Variants in CADM1 observed in about 807,000 individuals in gnomAD.
CADM1 encodes the protein TSLC-1.
Under a neutral mutation model 53.1 loss-of-function variants are expected in CADM1, and 15 were observed. The ratio of observed to expected loss-of-function variants is 0.28; its 90% CI spans 0.19 to 0.44. The LOEUF (loss-of-function observed/expected upper bound fraction) is 0.44, where lower values mean the gene tolerates loss of function less well. Ranked by LOEUF, CADM1 falls within the 20% of genes least tolerant of loss-of-function variation. The pLI is 1.00. For missense variants in CADM1, 434 were observed against 611.3 expected (o/e 0.71, Z 3.06); for synonymous variants, 281 against 243.0 (o/e 1.16, Z -1.45).
chr11:115,413,670 A>T (rs907473959), intron 1 of CADM1, among the ~76,000 whole-genome samples: 1 of 73,070 alleles, frequency 1.4e-5, no homozygotes. Flanking sequence ...TCTGAGACAG[A>T]GTCTTGCTCT....
At chr11:115,346,169 A>C (rs545136195) in intron 1 of CADM1, among the ~76,000 whole-genome samples, 1 of 152,254 alleles carries the variant, frequency 6.6e-6, no homozygotes, top group East Asian at 1.9e-4. Flanking sequence ...AAATATCCAC[A>C]TGTGGTTCAG....
intron 1 of CADM1, among the ~76,000 whole-genome samples, chr11:115,273,644 A>G (rs1230702167): frequency 6.6e-6 from 1 of 152,250 alleles, no homozygotes; most frequent in African/African-American, 2.4e-5. Flanking sequence ...TGTTTAAAAA[A>G]AAAAATTTAG....
At chr11:115,330,960 C>T (rs929097612) in intron 1 of CADM1, among the ~76,000 whole-genome samples, 3 of 152,050 alleles carry the variant, frequency 2.0e-5, no homozygotes, top group Non-Finnish European at 4.4e-5. Flanking sequence ...GTACAGGGTA[C>T]ATGTTGAGCA....
chr11:115,471,123 T>C (rs547278185), intron 1 of CADM1, among the ~76,000 whole-genome samples: 1 of 152,314 alleles, frequency 6.6e-6, no homozygotes, highest in South Asian at 2.1e-4. Context: ...TCCTTTCTAC[T>C]CAGGGACATA....
chr11:115,393,033 A>T (rs892104144), intron 1 of CADM1, among the ~76,000 whole-genome samples: 5 of 143,416 alleles, frequency 3.5e-5, no homozygotes, highest in Admixed American at 7.2e-5. Context: ...ACTGCAAACC[A>T]GCCTGGGCAA....
At chr11:115,247,195 T>C (rs1942435717) in intron 1 of CADM1, among the ~76,000 whole-genome samples, 1 of 152,216 alleles carries the variant, frequency 6.6e-6, no homozygotes, top group Admixed American at 6.5e-5. Flanking sequence ...AATGGCTCCT[T>C]TGGAGTCATT....
At chr11:115,414,908 A>C (rs1947555542) in intron 1 of CADM1, among the ~76,000 whole-genome samples, 1 of 152,196 alleles carries the variant, frequency 6.6e-6, no homozygotes, top group African/African-American at 2.4e-5. Flanking sequence ...TTTACTGTGA[A>C]ATTCCGGTGC....
At chr11:115,218,193 TAGATAAGAGATTCATA>T in intron 5 of CADM1, 1 of 571,834 alleles carries the variant, frequency 1.7e-6, no homozygotes, top group South Asian at 1.9e-5. Context: ...GAACCGCAAA[TAGATAAGAGATTCATA>T]AGCCAACTGC....
In CADM1 at chr11:115,219,748, A is replaced by G. The variant is rs571577116; in HGVS notation, c.722-1757T>C. On this transcript the variant is annotated intron_variant, in intron 5 of 11. Coordinates refer to ENST00000331581, the MANE Select transcript of CADM1 (RefSeq NM_001301043.2). Reference sequence around the variant, plus strand: ...ACCCCCTTTCAGAGACAGAGGCCACATATTAGGCTAACTACAACTGCTGGG... The same window carrying G: ...ACCCCCTTTCAGAGACAGAGGCCACGTATTAGGCTAACTACAACTGCTGGG... 2.0e-5 allele frequency among the ~76,000 whole-genome samples: 3 copies of G among 152,256 alleles called. No homozygotes were observed. In the South Asian group the frequency reaches 6.2e-4, roughly 32 times the overall value.
chr11:115,384,829 C>T (rs1231500737), intron 1 of CADM1, among the ~76,000 whole-genome samples: 1 of 152,108 alleles, frequency 6.6e-6, no homozygotes, highest in African/African-American at 2.4e-5. Flanking sequence ...CAATATAAAT[C>T]CACAACTGGC....
intron 1 of CADM1, among the ~76,000 whole-genome samples, chr11:115,338,877 ATTTTTTTTTT>A (rs56300408): frequency 7.8e-6 from 1 of 127,744 alleles, no homozygotes; most frequent in Non-Finnish European, 1.6e-5. Context: ...TATTTTTTTT[ATTTTTTTTTT>A]TTTAATTTTT....
At chr11:115,420,216 T>C (rs1048154901) in intron 1 of CADM1, among the ~76,000 whole-genome samples, 1 of 152,142 alleles carries the variant, frequency 6.6e-6, no homozygotes, top group Non-Finnish European at 1.5e-5. Context: ...ACAATGTGTA[T>C]AGTGTAACAA....
chr11:115,338,882 T>A (rs71466760), intron 1 of CADM1, among the ~76,000 whole-genome samples: 47,193 of 145,432 alleles, frequency 0.32, 8,721 homozygotes, highest in Non-Finnish European at 0.43. Flanking sequence ...TTTTTATTTT[T>A]TTTTTTTTAA....
At chr11:115,306,584 T>C (rs1017652866) in intron 1 of CADM1, among the ~76,000 whole-genome samples, 5 of 152,020 alleles carry the variant, frequency 3.3e-5, no homozygotes, top group Non-Finnish European at 5.9e-5. Flanking sequence ...ATTTATCTAG[T>C]ACTGAACGTG....
chr11:115,502,944 C>A (rs1275151576), intron 1 of CADM1, among the ~76,000 whole-genome samples: 1 of 152,194 alleles, frequency 6.6e-6, no homozygotes, highest in Non-Finnish European at 1.5e-5. Context: ...GAGCTCTCGG[C>A]GTCCTCCGCC....
At chr11:115,428,782 T>C (rs200852777) in intron 1 of CADM1, among the ~76,000 whole-genome samples, 6 of 2,666 alleles carry the variant, frequency 2.3e-3, no homozygotes, top group Non-Finnish European at 0.011. Context: ...TGTGTGTGCG[T>C]GTGTGTGTGT....
chr11:115,188,949 C>A (rs552815999), intron 10 of CADM1, among the ~76,000 whole-genome samples: 1 of 151,930 alleles, frequency 6.6e-6, no homozygotes, highest in Non-Finnish European at 1.5e-5. Context: ...TGAAGCCAAG[C>A]TCACAATCAA....
At chr11:115,358,070 C>T (rs992441854) in intron 1 of CADM1, among the ~76,000 whole-genome samples, 1 of 152,112 alleles carries the variant, frequency 6.6e-6, no homozygotes, top group African/African-American at 2.4e-5. Flanking sequence ...TCTGGCACAG[C>T]TGTACGCAGC....
chr11:115,197,757 G>T (rs565014362), intron 9 of CADM1, among the ~76,000 whole-genome samples: 5 of 152,248 alleles, frequency 3.3e-5, no homozygotes, highest in African/African-American at 9.6e-5. Flanking sequence ...TTGACACATG[G>T]TATCATTCTT....
Sources: gnomAD v4.1 joint callset for allele counts (sites outside exome capture counted in the v4.1 genomes callset) on GRCh38, gnomAD v4.1.1 for gene constraint, MANE v1.5 for transcripts, NCBI Gene and HGNC (gene_info 2026-07-23, HGNC 2026-07-21) for gene names.